ZFYVE19: variants seen among roughly 807,000 people sequenced by gnomAD.
ZFYVE19 encodes the protein abscission/NoCut checkpoint regulator.
In ZFYVE19, 49 loss-of-function variants were observed where a neutral mutation model predicts 62.8. The ratio of observed to expected loss-of-function variants is 0.78; its 90% CI spans 0.62 to 0.99. The LOEUF is 0.99. Ranked by LOEUF, ZFYVE19 falls within the 50% of genes least tolerant of loss-of-function variation. The probability of loss-of-function intolerance (pLI) is 0.00; values close to 1 mark genes in which losing one functional copy is unlikely to be tolerated. For missense variants in ZFYVE19, 630 were observed against 601.9 expected, an observed-to-expected ratio of 1.05 and a Z score of -0.49; for synonymous variants, 242 against 234.3, an observed-to-expected ratio of 1.03 and a Z score of -0.30.
At position 40,813,325 on chromosome 15, in the gene ZFYVE19, C is replaced by T; in HGVS notation, c.1031-13C>T. The T allele has an allele frequency of 6.2e-7, 1 of 1,612,820 alleles. No homozygotes were observed. The highest frequency in any genetic ancestry group is 8.5e-7 in the Non-Finnish European group (1 of 1,179,278). On this transcript the variant is annotated splice_polypyrimidine_tract_variant and intron_variant, in intron 7 of 10. Coordinates refer to ENST00000355341, the MANE Select transcript of ZFYVE19 (RefSeq NM_001077268.2). ...ACTCCCCCATCCCCTGTTCCCATGT[C>T]TCCCTCTTCAAGTGACCCTCCAGGA... is the stretch of plus-strand genomic sequence containing the variant.
chr15:40,811,180 G>A (rs191358117), intron 6 of ZFYVE19: 17 of 222,044 alleles, frequency 7.7e-5, no homozygotes, highest in Non-Finnish European at 1.2e-4. Context: ...TGATAAGGAG[G>A]AAGAAGCTAT....
intron 4 of ZFYVE19, 39 bp from the exon 5 acceptor site, chr15:40,810,032 C>T: frequency 6.2e-7 from 1 of 1,614,124 alleles, no homozygotes; most frequent in South Asian, 1.1e-5. Flanking sequence ...GACTGAGATG[C>T]CTCTGGCCCT....
rs996576920 is a variant in ZFYVE19 at position 40,807,795 on chromosome 15, C to G, written c.206C>G (p.Pro69Arg). 1 of 1,564,722 alleles carries G rather than the reference C, an allele frequency of 6.4e-7. No homozygotes were observed. ...LGRRDLSSAD[P>R]AVLGATMESR... ...CGGCGTGATCTCAGCTCTGCAGACC[C>G]TGCGGTGCTGGGAGCCACCATGGAG... Residue 69 changes from proline to arginine, a missense_variant, in exon 1 of 11, where the codon CCT (proline) becomes CGT (arginine). Transcript: ENST00000355341.
At chr15:40,809,024 T>G in intron 1 of ZFYVE19, 95 bp from the exon 2 acceptor site, 1 of 1,555,164 alleles carries the variant, frequency 6.4e-7, no homozygotes, top group Non-Finnish European at 8.8e-7. Flanking sequence ...TGGTCATAAC[T>G]TCAGTGACTT....
chr15:40,813,331 C>T lies in ZFYVE19; in HGVS notation c.1031-7C>T. On this transcript the variant is annotated splice_region_variant and splice_polypyrimidine_tract_variant and intron_variant, in intron 7 of 10. Transcript: ENST00000355341. ...CCATCCCCTGTTCCCATGTCTCCCT[C>T]TTCAAGTGACCCTCCAGGACTATCG... is the stretch of plus-strand genomic sequence containing the variant. The T allele has an allele frequency of 6.2e-7, 1 of 1,613,296 alleles. No homozygotes were observed. Among genetic ancestry groups the T allele is most frequent in the Non-Finnish European group, 8.5e-7 (1 of 1,179,642 alleles).
intron 1 of ZFYVE19, chr15:40,808,100 A>T: frequency 1.4e-6 from 1 of 728,700 alleles, no homozygotes; most frequent in Non-Finnish European, 2.0e-6. Context: ...TAAACTGTAA[A>T]GCGCGCTGCC....
In ZFYVE19 at chr15:40,807,623, CCGCTGCCGTA is replaced by C. The variant is rs1890290561; in HGVS notation, c.40_49del (p.Pro14AlafsTer11). 6.2e-7 allele frequency: 1 copy of C among 1,613,146 alleles called. No individual in the cohort carries two copies. Among genetic ancestry groups the C allele is most frequent in the African/African-American group, 1.3e-5 (1 of 75,048 alleles). On this transcript the variant is annotated frameshift_variant, in exon 1 of 11. Transcript: ENST00000355341. LOFTEE classifies it high-confidence loss of function. ...CGACTCCCAGCAGCCCCCGTTGCCGCCGCTGCCGTACGCTGGCTGCAGGAGAGCGTCCGGA... is the reference window on the plus strand; with the variant it reads ...CGACTCCCAGCAGCCCCCGTTGCCGCCGCTGGCTGCAGGAGAGCGTCCGGA...
intron 6 of ZFYVE19, 115 bp downstream of exon 6, chr15:40,810,872 T>C (rs1429532769): frequency 7.4e-7 from 1 of 1,353,460 alleles, no homozygotes; most frequent in African/African-American, 1.5e-5. Context: ...ATCAACGTTA[T>C]AAGAGTTACC....
chr15:40,810,608 G>A (rs760518076), intron 5 of ZFYVE19, 41 bp from the exon 6 acceptor site: 1 of 1,550,690 alleles, frequency 6.4e-7, no homozygotes, highest in Non-Finnish European at 8.7e-7. Context: ...ACTGCTTCTG[G>A]GCTACCCCTG....
Position 40,814,030 on chromosome 15 carries a change from G to A in ZFYVE19, c.1297G>A (p.Ala433Thr), listed in dbSNP as rs1403218797. 6.8e-6 allele frequency: 11 copies of A among 1,613,912 alleles called. No homozygotes were observed. The highest frequency in any genetic ancestry group is 1.3e-5 in the African/African-American group (1 of 74,928). Residue 433 changes from alanine (A) to threonine (T), a missense_variant, in exon 10 of 11, where the codon GCT (alanine) becomes ACT (threonine). Coordinates refer to ENST00000355341, the MANE Select transcript of ZFYVE19 (RefSeq NM_001077268.2). Reference protein sequence around the residue: ...ICNEDATLRCAGCDGDLFCAR... With the variant: ...ICNEDATLRCTGCDGDLFCAR... ...CAATGAGGATGCCACCCTACGCTGC[G>A]CTGGCTGCGATGGGGACCTCTTCTG...
In ZFYVE19 at chr15:40,807,748, T is replaced by C. The variant is rs376245746; in HGVS notation, c.159T>C (p.Gly53=). 1 of 1,590,586 alleles carries C rather than the reference T, an allele frequency of 6.3e-7. No homozygotes were observed. Among genetic ancestry groups the C allele is most frequent in the Admixed American group, 1.7e-5 (1 of 58,498 alleles). The part of the protein sequence containing the change: ...QGREGRSWGE[G]PRGPGLGRRD... ...GGGAAGGGCGGAGCTGGGGTGAGGG[T>C]CCAAGGGGCCCAGGACTTGGCCGGC... Residue 53 remains glycine (G), a synonymous_variant, in exon 1 of 11, where the codon GGT becomes GGC. Transcript: ENST00000355341.
Position 40,809,173 on chromosome 15 carries a change from G to A in ZFYVE19, c.334G>A (p.Ala112Thr). Residue 112 changes from alanine to threonine, a missense_variant, in exon 2 of 11, where the codon GCA becomes ACA. Ala to Thr is a moderately conservative substitution (Grantham distance 58). Transcript: ENST00000355341. ...CTGTTCAGGCTGCCTAAGCTTCAGT[G>A]CAGCAGTGCCTCGGACTGGGAACAC... ...AFCSGCLSFS[A>T]AVPRTGNTQQ... The A allele has an allele frequency of 6.2e-7, 1 of 1,614,212 alleles. No individual in the cohort carries two copies.
chr15:40,809,013 C>T, intron 1 of ZFYVE19, 106 bp from the exon 2 acceptor site: 2 of 1,522,260 alleles, frequency 1.3e-6, no homozygotes, highest in South Asian at 2.5e-5. Context: ...CTCCCAGCAG[C>T]TGGTCATAAC....
Position 40,810,687 on chromosome 15 carries a change from G to A in ZFYVE19, c.756G>A (p.Gln252=), listed in dbSNP as rs771670952. 145 of 1,577,598 alleles carry A rather than the reference G, an allele frequency of 9.2e-5. No homozygotes were observed. Among genetic ancestry groups the A allele is most frequent in the Non-Finnish European group, 3.4e-6 (4 of 1,161,576 alleles). ...HTPDTRTQAQ[Q]TQDLLTQLAA... ...CGGACACCAGGACCCAAGCCCAGCAGACACAGGATCTGCTAACGCAGCTGG... is the reference window on the plus strand; with the variant it reads ...CGGACACCAGGACCCAAGCCCAGCAAACACAGGATCTGCTAACGCAGCTGG... The change falls in exon 6 of 11, where the codon CAG becomes CAA. Residue 252 remains glutamine (Q), a synonymous_variant. Transcript: ENST00000355341.
Position 40,807,505 on chromosome 15 carries a change from TG to T in ZFYVE19, c.-84del. On this transcript the variant is annotated 5_prime_UTR_variant, in exon 1 of 11. Transcript: ENST00000355341. ...CAAGAGTCTAAGCGCGCGTGAGGAC[TG>T]CAGGCTCCGAGCGGCGCCTAGCCCT... is the stretch of plus-strand genomic sequence containing the variant. The T allele has an allele frequency of 6.2e-7, 1 of 1,609,958 alleles. No homozygotes were observed. Among genetic ancestry groups the T allele is most frequent in the Non-Finnish European group, 8.5e-7 (1 of 1,176,886 alleles).
chr15:40,812,888 A>C lies in ZFYVE19; in HGVS notation c.1016A>C (p.Gln339Pro). Residue 339 changes from glutamine to proline, a missense_variant, in exon 7 of 11, where the codon CAG becomes CCG. Gln to Pro is a moderately conservative substitution (Grantham distance 76, BLOSUM62 -1). Transcript: ENST00000355341. ...AAGCGACTAGCCATGCTGCGGGGACAGGACCCCGAGAGAGGTGAAGGCTGG... is the reference window on the plus strand; with the variant it reads ...AAGCGACTAGCCATGCTGCGGGGACCGGACCCCGAGAGAGGTGAAGGCTGG... ...LAKRLAMLRG[Q>P]DPERVTLQDY... 1 of 1,611,462 alleles carries C rather than the reference A, an allele frequency of 6.2e-7. No individual in the cohort carries two copies. The highest frequency in any genetic ancestry group is 8.5e-7 in the Non-Finnish European group (1 of 1,179,880).
chr15:40,809,866 T>C lies in ZFYVE19; in HGVS notation c.467T>C (p.Leu156Ser). ...TATCCTGCCAGGCGTGTGGCAGCCTTGGAAGCCAAGCAAAAGCCCAGCACT... is the reference window on the plus strand; with the variant it reads ...TATCCTGCCAGGCGTGTGGCAGCCTCGGAAGCCAAGCAAAAGCCCAGCACT... ...PQNYKKRVAA[L>S]EAKQKPSTSQ... Residue 156 changes from leucine to serine, a missense_variant, in exon 4 of 11, where the codon TTG becomes TCG. Leu to Ser is a moderately radical substitution (Grantham distance 145). Coordinates refer to ENST00000355341, the MANE Select transcript of ZFYVE19 (RefSeq NM_001077268.2). 6.2e-7 allele frequency: 1 copy of C among 1,614,156 alleles called. No individual in the cohort carries two copies. The highest frequency in any genetic ancestry group is 8.5e-7 in the Non-Finnish European group (1 of 1,180,034).
At chr15:40,812,560 A>C in intron 6 of ZFYVE19, 139 bp from the exon 7 acceptor site, 1 of 325,776 alleles carries the variant, frequency 3.1e-6, no homozygotes, top group Non-Finnish European at 5.1e-6. Flanking sequence ...AAAAAAAAAA[A>C]GAAAGAAAGA....
chr15:40,808,164 TTTC>T, intron 1 of ZFYVE19: 1 of 1,381,270 alleles, frequency 7.2e-7, no homozygotes. Context: ...ATCTGGCGGT[TTTC>T]TTCTCTCCAC....
Sources: gnomAD v4.1 joint callset for allele counts on GRCh38, gnomAD v4.1.1 for gene constraint, MANE v1.5 for transcripts, NCBI Gene and HGNC (gene_info 2026-07-23, HGNC 2026-07-21) for gene names.